EFCAB13: variants seen among roughly 807,000 people sequenced by gnomAD.
EFCAB13 encodes EF-hand calcium binding domain 13.
In EFCAB13, 91 loss-of-function variants were observed where a neutral mutation model predicts 110.2. The ratio of observed to expected loss-of-function variants is 0.83; its 90% CI spans 0.70 to 0.98. EFCAB13 has a LOEUF of 0.98. EFCAB13 is among the 50% of genes least tolerant of loss of function. The pLI, the probability that EFCAB13 is intolerant of heterozygous loss-of-function variation, is 0.00. For synonymous variants in EFCAB13, 323 were observed against 369.9 expected, an observed-to-expected ratio of 0.87 and a Z score of 1.45; for missense variants, 968 against 1,119.4, an observed-to-expected ratio of 0.86 and a Z score of 1.93.
At chr17:47,386,588 G>A (rs967117926) in intron 14 of EFCAB13, among the ~76,000 whole-genome samples, 4 of 152,076 alleles carry the variant, frequency 2.6e-5, no homozygotes, top group South Asian at 2.1e-4. Context: ...AGTGGGTCCC[G>A]CTGAGCGAGA....
At chr17:47,350,843 G>A (rs947425224) in intron 9 of EFCAB13, among the ~76,000 whole-genome samples, 2 of 152,020 alleles carry the variant, frequency 1.3e-5, no homozygotes, top group Non-Finnish European at 2.9e-5. Flanking sequence ...ATGACCTGAT[G>A]TTAGCAATTC....
At chr17:47,413,438 AGT>A (rs1327600840) in intron 22 of EFCAB13, among the ~76,000 whole-genome samples, 1 of 152,196 alleles carries the variant, frequency 6.6e-6, no homozygotes, top group Admixed American at 6.5e-5. Context: ...ACTTTTAGGA[AGT>A]CAAATCATTT....
chr17:47,341,984 A>G lies in EFCAB13; in HGVS notation c.255A>G (p.Lys85=). The G allele has an allele frequency of 1.2e-6, 2 of 1,601,744 alleles. No homozygotes were observed. The highest frequency in any genetic ancestry group is 8.5e-7 in the Non-Finnish European group (1 of 1,175,266). The change falls in exon 6 of 25, where the codon AAA becomes AAG. Residue 85 remains lysine (K), a synonymous_variant. Transcript: ENST00000331493. The part of the protein sequence containing the change: ...EKSSDFSGEK[K]VGRKSLQVQQ... ...CCTCTGATTTTTCAGGAGAAAAAAAAGTTGGGAGAAAGAGTTTACAAGTAC... is the reference window on the plus strand; with the variant it reads ...CCTCTGATTTTTCAGGAGAAAAAAAGGTTGGGAGAAAGAGTTTACAAGTAC...
chr17:47,334,533 AT>A (rs2065338007), intron 4 of EFCAB13, among the ~76,000 whole-genome samples: 1 of 152,238 alleles, frequency 6.6e-6, no homozygotes, highest in African/African-American at 2.4e-5. Context: ...AATGTTTATA[AT>A]AAAAATACTG....
intron 11 of EFCAB13, among the ~76,000 whole-genome samples, chr17:47,371,806 G>T (rs191684239): frequency 2.2e-4 from 33 of 152,256 alleles, no homozygotes; most frequent in Middle Eastern, 3.4e-3. Flanking sequence ...TAGGGATGGG[G>T]TTTCAACATA....
chr17:47,377,986 A>G, intron 13 of EFCAB13, 83 bp downstream of exon 13: 1 of 1,273,272 alleles, frequency 7.9e-7, no homozygotes, highest in South Asian at 1.6e-5. Flanking sequence ...AATTCCTCTC[A>G]ATTAGAAATT....
chr17:47,374,914 C>T lies in EFCAB13; in HGVS notation c.1320C>T (p.Ser440=), dbSNP rs762287626. 75 of 1,600,130 alleles carry T rather than the reference C, an allele frequency of 4.7e-5. No individual in the cohort carries two copies. The highest frequency in any genetic ancestry group is 6.4e-5 in the Non-Finnish European group (75 of 1,176,414). ...KLQKPAVRKH[S]SLQKQVSSTE... ...AGAAGCCAGCTGTAAGAAAGCATTC[C>T]AGTCTCCAAAAACAGGTTTCGTCTA... is the stretch of plus-strand genomic sequence containing the variant. The change falls in exon 12 of 25, where the codon TCC becomes TCT. Residue 440 remains serine, a synonymous_variant. Coordinates refer to ENST00000331493, the MANE Select transcript of EFCAB13 (RefSeq NM_152347.5).
At chr17:47,388,840 A>G (rs962211486) in intron 14 of EFCAB13, among the ~76,000 whole-genome samples, 2 of 152,104 alleles carry the variant, frequency 1.3e-5, no homozygotes, top group African/African-American at 4.8e-5. Context: ...CTGTTTTCCA[A>G]AGTGTTTATA....
chr17:47,402,733 G>C (rs1037910461), intron 18 of EFCAB13, among the ~76,000 whole-genome samples: 1 of 152,162 alleles, frequency 6.6e-6, no homozygotes. Context: ...GGTAGAAGGA[G>C]GATTATGATC....
intron 4 of EFCAB13, among the ~76,000 whole-genome samples, chr17:47,333,414 C>T (rs1052372443): frequency 4.6e-5 from 7 of 151,898 alleles, no homozygotes; most frequent in African/African-American, 1.7e-4. Context: ...TGATTGTTTC[C>T]CTTGCTGTAC....
chr17:47,342,066 T>G (rs2065388581), intron 6 of EFCAB13, 34 bp downstream of exon 6: 3 of 1,257,124 alleles, frequency 2.4e-6, no homozygotes, highest in Admixed American at 2.2e-5. Flanking sequence ...TCTTTTACCT[T>G]CAAATATTTT....
chr17:47,343,946 G>T (rs913711812), intron 6 of EFCAB13, among the ~76,000 whole-genome samples: 2 of 151,994 alleles, frequency 1.3e-5, no homozygotes, highest in African/African-American at 2.4e-5. Context: ...GCATACTTAA[G>T]AAAACCATGG....
chr17:47,382,482 T>C (rs1223682374), intron 14 of EFCAB13, among the ~76,000 whole-genome samples: 1 of 152,242 alleles, frequency 6.6e-6, no homozygotes, highest in Non-Finnish European at 1.5e-5. Context: ...AGTATGATAT[T>C]GGCTATGGGT....
At chr17:47,379,557 TG>T (rs1416452101) in intron 14 of EFCAB13, among the ~76,000 whole-genome samples, 34 of 113,318 alleles carry the variant, frequency 3.0e-4, no homozygotes, top group African/African-American at 9.9e-4. Context: ...ATGGGTGATA[TG>T]GTTTGTTTTT....
At chr17:47,425,696 C>T (rs1333963659) in intron 23 of EFCAB13, among the ~76,000 whole-genome samples, 2 of 152,102 alleles carry the variant, frequency 1.3e-5, no homozygotes, top group East Asian at 3.8e-4. Flanking sequence ...ACGTGATGAA[C>T]GGCGTGCTAA....
intron 9 of EFCAB13, among the ~76,000 whole-genome samples, chr17:47,351,899 GTTT>G (rs762050927): frequency 4.9e-5 from 6 of 121,506 alleles, no homozygotes; most frequent in East Asian, 2.4e-4. Flanking sequence ...TTTTCATGTA[GTTT>G]TTTTTTTTTT....
intron 15 of EFCAB13, 97 bp downstream of exon 15, chr17:47,391,677 T>A: frequency 9.1e-7 from 1 of 1,104,182 alleles, no homozygotes. Flanking sequence ...TTTTTTATTA[T>A]AAAAAGTTAA....
At chr17:47,439,343 A>G (rs767439465) in intron 24 of EFCAB13, among the ~76,000 whole-genome samples, 1 of 151,394 alleles carries the variant, frequency 6.6e-6, no homozygotes, top group Non-Finnish European at 1.5e-5. Context: ...CCCCTGGCTA[A>G]TTTTTGTATT....
Position 47,385,124 on chromosome 17 carries a change from G to A in EFCAB13, c.1582+5871G>A, listed in dbSNP as rs534700131. 9.2e-5 allele frequency among the ~76,000 whole-genome samples: 14 copies of A among 152,166 alleles called. No individual in the cohort carries two copies. In the South Asian group the frequency reaches 2.9e-3, roughly 32 times the overall value. Reference sequence around the variant, plus strand: ...AGAGTCTGATGATTTTGTGCCTTAGGGTTGCTCTTCTCAAGGAGTATCTTA... The same window carrying A: ...AGAGTCTGATGATTTTGTGCCTTAGAGTTGCTCTTCTCAAGGAGTATCTTA... On this transcript the variant is annotated intron_variant, in intron 14 of 24. Transcript: ENST00000331493.
Sources: gnomAD v4.1 joint callset for allele counts (sites outside exome capture counted in the v4.1 genomes callset) on GRCh38, gnomAD v4.1.1 for gene constraint, MANE v1.5 for transcripts, NCBI Gene and HGNC (gene_info 2026-07-23, HGNC 2026-07-21) for gene names.